ARHGEF7: variants seen among roughly 807,000 people sequenced by gnomAD.
ARHGEF7 encodes Rho guanine nucleotide exchange factor 7, also known as PAK-interacting exchange factor beta.
A neutral mutation model predicts 109.8 loss-of-function variants in ARHGEF7; 33 were observed. The observed-to-expected ratio is 0.30, with a 90% CI of 0.23 to 0.40. The LOEUF (loss-of-function observed/expected upper bound fraction) is 0.40. Among genes scored for constraint, ARHGEF7 ranks in the 10% least tolerant of loss-of-function variants. The pLI, the probability that ARHGEF7 is intolerant of heterozygous loss-of-function variation, is 1.00. For missense variants in ARHGEF7, 938 were observed against 1,098.5 expected, an observed-to-expected ratio of 0.85 and a Z score of 2.07; for synonymous variants, 458 against 424.6, an observed-to-expected ratio of 1.08 and a Z score of -0.97.
At chr13:111,300,175 T>C (rs1167489239) in intron 19 of ARHGEF7, among the ~76,000 whole-genome samples, 1 of 152,240 alleles carries the variant, frequency 6.6e-6, no homozygotes, top group Non-Finnish European at 1.5e-5. Context: ...GTTCTGACAT[T>C]GTGAGCAGTT....
chr13:111,232,904 TTGTAGC>T, intron 5 of ARHGEF7, among the ~76,000 whole-genome samples: 1 of 152,334 alleles, frequency 6.6e-6, no homozygotes, highest in Admixed American at 6.5e-5. Flanking sequence ...GGAATTGTCC[TTGTAGC>T]TAAACTGCTT....
rs544196661 is a variant in ARHGEF7, at chr13:111,292,071, C to T, written c.2135-47C>T. 1.5e-4 allele frequency: 229 copies of T among 1,549,992 alleles called. 3 individuals carry two copies. The South Asian group carries it at 2.4e-3, about 17-fold the overall frequency. On this transcript the variant is annotated intron_variant, in intron 18 of 21. Coordinates refer to ENST00000646102, the MANE Select transcript of ARHGEF7 (RefSeq NM_001354046.2). ...TTGTGGCTCTTCCTGTCGTTCTCCTCCTCACCCCCTGCCTGTCGCGCCTGT... is the reference window on the plus strand; with the variant it reads ...TTGTGGCTCTTCCTGTCGTTCTCCTTCTCACCCCCTGCCTGTCGCGCCTGT...
At chr13:111,185,437 TTCTC>T (rs1403267019) in intron 2 of ARHGEF7, among the ~76,000 whole-genome samples, 1 of 152,226 alleles carries the variant, frequency 6.6e-6, no homozygotes, top group Non-Finnish European at 1.5e-5. Flanking sequence ...AGCTTTTTCT[TTCTC>T]TCATTTCGGT....
At chr13:111,238,033 G>T (rs1451588467) in intron 6 of ARHGEF7, among the ~76,000 whole-genome samples, 5 of 152,196 alleles carry the variant, frequency 3.3e-5, no homozygotes, top group African/African-American at 1.2e-4. Context: ...GAGTGACGGG[G>T]AAGGGAGAGG....
chr13:111,154,125 C>T, intron 2 of ARHGEF7, 134 bp downstream of exon 2: 3 of 958,070 alleles, frequency 3.1e-6, no homozygotes, highest in Non-Finnish European at 4.4e-6. Context: ...CTCGAGAGTC[C>T]GGGATGTGTG....
intron 2 of ARHGEF7, among the ~76,000 whole-genome samples, chr13:111,174,142 A>T (rs1293554109): frequency 1.3e-5 from 2 of 152,228 alleles, no homozygotes; most frequent in African/African-American, 2.4e-5. Context: ...TTGTTTTGAA[A>T]AAAGGAATGA....
At chr13:111,232,551 A>G (rs904859043) in intron 5 of ARHGEF7, among the ~76,000 whole-genome samples, 6 of 152,184 alleles carry the variant, frequency 3.9e-5, no homozygotes, top group Non-Finnish European at 8.8e-5. Flanking sequence ...TGTTATGCAG[A>G]GTAAGTGTGT....
chr13:111,295,986 A>G (rs539137831), intron 19 of ARHGEF7, among the ~76,000 whole-genome samples: 1 of 152,230 alleles, frequency 6.6e-6, no homozygotes, highest in Admixed American at 6.5e-5. Flanking sequence ...ACAAGCATGC[A>G]TGCACACCAC....
At position 111,118,581 on chromosome 13, in the gene ARHGEF7, A is replaced by G. The variant is rs538999148; in HGVS notation, c.165+2890A>G. On this transcript the variant is annotated intron_variant, in intron 1 of 21. Transcript: ENST00000646102. The stretch of plus-strand genomic sequence containing the variant: ...GCTGCCCATGTCTTCGGCTTCCCAC[A>G]CTCCTCCCGTGAGCAGAGGTCATGA... Among the ~76,000 whole-genome samples the G allele has an allele frequency of 3.5e-3, 534 of 151,318 alleles. 2 individuals are homozygous for G. Among genetic ancestry groups the G allele is most frequent in the African/African-American group, 0.012 (478 of 41,206 alleles).
rs150133356 is a variant in ARHGEF7, at chr13:111,218,696, C to T, written c.670+816C>T. Among the ~76,000 whole-genome samples the T allele has an allele frequency of 6.0e-4, 91 of 152,212 alleles. 1 individual carries two copies. In the East Asian group the frequency reaches 0.015, roughly 26 times the overall value. ...GGCTTGGGTGACTGAGCCTCAGAGC[C>T]ACAGGTGTTTCATATGGAAAATGAG... On this transcript the variant is annotated intron_variant, in intron 5 of 21. Transcript: ENST00000646102.
chr13:111,129,687 C>T (rs771106531), intron 1 of ARHGEF7, among the ~76,000 whole-genome samples: 35 of 152,320 alleles, frequency 2.3e-4, no homozygotes, highest in African/African-American at 5.3e-4. Context: ...CCACTACACA[C>T]GTATCATCAC....
chr13:111,224,013 C>T (rs1377073758), intron 5 of ARHGEF7, among the ~76,000 whole-genome samples: 11 of 152,092 alleles, frequency 7.2e-5, no homozygotes, highest in African/African-American at 2.2e-4. Context: ...CCCGCCACCA[C>T]GCCCGGCTAA....
At chr13:111,154,034 C>T (rs2076090613) in intron 2 of ARHGEF7, 43 bp downstream of exon 2, 1 of 1,559,984 alleles carries the variant, frequency 6.4e-7, no homozygotes, top group Non-Finnish European at 8.6e-7. Flanking sequence ...GCCGGGAAGA[C>T]GGGGTTGGGC....
chr13:111,213,066 G>A (rs938452394), intron 4 of ARHGEF7, among the ~76,000 whole-genome samples: 5 of 152,300 alleles, frequency 3.3e-5, no homozygotes, highest in East Asian at 1.9e-4. Flanking sequence ...CTTAGAGAGC[G>A]GAGGAGAGGG....
chr13:111,300,505 G>T (rs150487845), intron 19 of ARHGEF7, among the ~76,000 whole-genome samples: 1 of 152,148 alleles, frequency 6.6e-6, no homozygotes, highest in East Asian at 1.9e-4. Flanking sequence ...CCGTAATTCC[G>T]ATTTGAAAAG....
chr13:111,158,903 G>T lies in ARHGEF7; in HGVS notation c.252+4912G>T, dbSNP rs2076543557. ...TAAAATCTAATCTTTTAGCAATTTT[G>T]AAATATACTTTAAATTATTGTTAAC... On this transcript the variant is annotated intron_variant, in intron 2 of 21. Coordinates refer to ENST00000646102, the MANE Select transcript of ARHGEF7 (RefSeq NM_001354046.2). 13 of 619,656 alleles carry T rather than the reference G, an allele frequency of 2.1e-5. 1 individual carries two copies. The South Asian group carries it at 2.3e-4, about 11-fold the overall frequency. The allele number at this position is 619,656 out of a possible 1,614,324, so 38.4% of individuals were successfully genotyped here.
intron 8 of ARHGEF7, among the ~76,000 whole-genome samples, chr13:111,253,969 G>C (rs1324537370): frequency 3.3e-5 from 5 of 152,202 alleles, no homozygotes. Flanking sequence ...TGATGGTTCT[G>C]CCGTGTTCTC....
chr13:111,243,838 A>T, intron 6 of ARHGEF7, 34 bp from the exon 7 acceptor site: 1 of 1,405,340 alleles, frequency 7.1e-7, no homozygotes, highest in Non-Finnish European at 1.0e-6. Context: ...AGCAATTGAA[A>T]TGTCAAATAA....
intron 2 of ARHGEF7, among the ~76,000 whole-genome samples, chr13:111,183,466 A>C (rs2078959961): frequency 6.6e-6 from 1 of 151,774 alleles, no homozygotes. Context: ...GATGGGGTCT[A>C]CCCTCAGGTC....
Sources: gnomAD v4.1 joint callset for allele counts (sites outside exome capture counted in the v4.1 genomes callset) on GRCh38, gnomAD v4.1.1 for gene constraint, MANE v1.5 for transcripts, NCBI Gene and HGNC (gene_info 2026-07-23, HGNC 2026-07-21) for gene names.